The following GCSAML variants were observed in gnomAD, a reference collection of about 807,000 sequenced individuals.
The protein encoded by GCSAML is germinal center associated signaling and motility like.
GCSAML carries 9 observed loss-of-function variants against 13.0 expected under a neutral mutation model. The ratio of observed to expected loss-of-function variants is 0.69; its 90% confidence interval spans 0.42 to 1.21. The LOEUF (loss-of-function observed/expected upper bound fraction) is 1.21. Among genes scored for constraint, GCSAML ranks in the 50% most tolerant of loss-of-function variants. GCSAML has a pLI of 0.00. For synonymous variants in GCSAML, 37 were observed against 52.9 expected (o/e 0.70, Z 1.31); for missense variants, 143 against 153.4 (o/e 0.93, Z 0.36).
At chr1:247,524,208 C>G (rs1269303792) in intron 1 of GCSAML, among the ~76,000 whole-genome samples, 5 of 152,204 alleles carry the variant, frequency 3.3e-5, no homozygotes, top group Non-Finnish European at 7.3e-5. Flanking sequence ...CATCTAGGGT[C>G]TCTAAGACAT....
At chr1:247,521,645 G>A (rs1666435094) in intron 1 of GCSAML, among the ~76,000 whole-genome samples, 1 of 152,222 alleles carries the variant, frequency 6.6e-6, no homozygotes. Context: ...GCCTCCTGAG[G>A]TGCTGGGATT....
At chr1:247,551,175 A>G (rs1013895771) in intron 1 of GCSAML, among the ~76,000 whole-genome samples, 2 of 152,180 alleles carry the variant, frequency 1.3e-5, no homozygotes, top group African/African-American at 4.8e-5. Context: ...TAGAAATAAA[A>G]GGAAGGAAGG....
chr1:247,521,634 G>A (rs1264963745), intron 1 of GCSAML, among the ~76,000 whole-genome samples: 7 of 152,162 alleles, frequency 4.6e-5, no homozygotes, highest in Non-Finnish European at 1.0e-4. Context: ...TGCCAGCCTC[G>A]GCCTCCTGAG....
Position 247,574,610 on chromosome 1 carries a change from C to A in GCSAML, c.*228C>A. On this transcript the variant is annotated 3_prime_UTR_variant, in exon 5 of 5. Coordinates refer to ENST00000366488, the MANE Select transcript of GCSAML (RefSeq NM_145278.5). ...ACCTAAAATATTCTATGTGTTTTTG[C>A]TTGTAAAGTTTGAGGACATGGAGGT... is the stretch of plus-strand genomic sequence containing the variant. 1.9e-6 allele frequency: 1 copy of A among 518,520 alleles called. No individual in the cohort carries two copies. Among genetic ancestry groups the A allele is most frequent in the East Asian group, 3.1e-5 (1 of 31,856 alleles). 32.1% of individuals were successfully genotyped at this position (518,520 alleles called of 1,614,324 possible).
intron 1 of GCSAML, among the ~76,000 whole-genome samples, chr1:247,522,146 G>A (rs1666458790): frequency 2.0e-5 from 3 of 152,000 alleles, no homozygotes; most frequent in Admixed American, 2.0e-4. Context: ...CCGCCTGGCA[G>A]CCGCCCCATC....
chr1:247,536,134 A>G (rs568133864), intron 2 of GCSAML: 1 of 152,318 alleles, frequency 6.6e-6, no homozygotes, highest in African/African-American at 2.4e-5. Context: ...AACAACAACA[A>G]CAAACAAACG....
intron 2 of GCSAML, among the ~76,000 whole-genome samples, chr1:247,561,505 A>T (rs1254349813): frequency 6.6e-6 from 1 of 152,118 alleles, no homozygotes; most frequent in Non-Finnish European, 1.5e-5. Flanking sequence ...TGTTCTAGCT[A>T]ACTATATTTT....
intron 1 of GCSAML, 125 bp downstream of exon 1, chr1:247,549,345 A>T: frequency 1.3e-6 from 1 of 756,410 alleles, no homozygotes; most frequent in South Asian, 1.8e-5. Context: ...TGAAGACAGC[A>T]TCCTCTAGGA....
intron 3 of GCSAML, among the ~76,000 whole-genome samples, chr1:247,565,375 G>A (rs1246972837): frequency 1.3e-5 from 2 of 151,418 alleles, no homozygotes; most frequent in African/African-American, 4.8e-5. Context: ...AAAAAAAATT[G>A]GTAGTCAATT....
chr1:247,545,496 CATT>C (rs1667538722), upstream of GCSAML, among the ~76,000 whole-genome samples: 1 of 152,160 alleles, frequency 6.6e-6, no homozygotes, highest in African/African-American at 2.4e-5. Context: ...TGAAAACTAT[CATT>C]ATGATGATTA....
In GCSAML at chr1:247,574,501, A is replaced by G; in HGVS notation, c.*119A>G. The stretch of plus-strand genomic sequence containing the variant: ...ATTCCTTTCTGGCTAAAGTTTAGAA[A>G]TATTATCTTATTATATATCCTTAGG... On this transcript the variant is annotated 3_prime_UTR_variant, in exon 5 of 5. Coordinates refer to ENST00000366488, the MANE Select transcript of GCSAML (RefSeq NM_145278.5). 3 of 1,124,120 alleles carry G rather than the reference A, an allele frequency of 2.7e-6. No homozygotes were observed. The highest frequency in any genetic ancestry group is 2.5e-6 in the Non-Finnish European group (2 of 791,676). The allele number at this position is 1,124,120 out of a possible 1,614,324, so 69.6% of individuals were successfully genotyped here.
intron 2 of GCSAML, among the ~76,000 whole-genome samples, chr1:247,534,092 A>T (rs1457748141): frequency 6.6e-6 from 1 of 152,116 alleles, no homozygotes; most frequent in Non-Finnish European, 1.5e-5. Flanking sequence ...TGTGTTATAT[A>T]ATATTGAAAA....
chr1:247,523,982 AAAC>A (rs1485546556), intron 1 of GCSAML, among the ~76,000 whole-genome samples: 3 of 136,000 alleles, frequency 2.2e-5, no homozygotes, highest in Non-Finnish European at 4.7e-5. Flanking sequence ...AACATTTGGA[AAAC>A]AACATCTGTC....
intron 1 of GCSAML, among the ~76,000 whole-genome samples, chr1:247,522,401 C>A (rs562564338): frequency 2.6e-3 from 400 of 152,214 alleles, no homozygotes; most frequent in Middle Eastern, 0.02. Context: ...GGCCGCCACC[C>A]CGTCTGGGAG....
chr1:247,549,963 A>G (rs777326261), intron 1 of GCSAML, among the ~76,000 whole-genome samples: 1 of 152,208 alleles, frequency 6.6e-6, no homozygotes, highest in Admixed American at 6.5e-5. Flanking sequence ...GACTACATTG[A>G]TAGACCCAAG....
chr1:247,527,295 A>G lies in GCSAML; in HGVS notation c.-148+241A>G. On this transcript the variant is annotated intron_variant, in intron 2 of 5. Transcript: ENST00000366489. The surrounding 1 kb of genome is among the most constrained non-coding windows in gnomAD (Gnocchi z 4.6). ...TCTGGGAGGGTCTGCGTTGTCTGCTATCCCCACATAAACTGATGAGGACCT... is the reference window on the plus strand; with the variant it reads ...TCTGGGAGGGTCTGCGTTGTCTGCTGTCCCCACATAAACTGATGAGGACCT... 2 of 306,506 alleles carry G rather than the reference A, an allele frequency of 6.5e-6. No individual in the cohort carries two copies. Among genetic ancestry groups the G allele is most frequent in the Non-Finnish European group, 1.3e-5 (2 of 155,614 alleles). The allele number at this position is 306,506 out of a possible 1,614,324, so 19.0% of individuals were successfully genotyped here. A position where few individuals can be genotyped will look rare whatever the true frequency, so the allele number is the denominator to read the frequency against.
At chr1:247,544,832 C>A (rs1667515298), upstream of GCSAML, among the ~76,000 whole-genome samples, 1 of 152,072 alleles carries the variant, frequency 6.6e-6, no homozygotes, top group Non-Finnish European at 1.5e-5. Flanking sequence ...CCAGCCTGGG[C>A]AACAGAGCAG....
chr1:247,538,715 C>T lies in GCSAML; in HGVS notation c.-147-10330C>T, dbSNP rs115306578. 3.9e-3 allele frequency: 1,788 copies of T among 455,962 alleles called. 26 individuals are homozygous for T. Among genetic ancestry groups the T allele is most frequent in the African/African-American group, 0.033 (1,635 of 50,180 alleles). 28.2% of individuals were successfully genotyped at this position (455,962 alleles called of 1,614,324 possible). ...GAGGACACAGCAAGCAGGCAGATGG[C>T]TGCGAGCTGGAAGGGAAGCGTCATC... is the stretch of plus-strand genomic sequence containing the variant. On this transcript the variant is annotated intron_variant, in intron 2 of 5. Coordinates refer to the GCSAML transcript ENST00000366489.
chr1:247,552,664 T>G (rs1667815158), intron 1 of GCSAML, among the ~76,000 whole-genome samples: 1 of 152,242 alleles, frequency 6.6e-6, no homozygotes, highest in African/African-American at 2.4e-5. Flanking sequence ...ATTTGTGTAT[T>G]ATATAAAAAG....
Sources: allele counts gnomAD v4.1 joint callset (sites outside exome capture counted in the v4.1 genomes callset), GRCh38; gene constraint gnomAD v4.1.1; non-coding constraint Gnocchi (gnomAD v3.1); transcripts MANE v1.5; gene names NCBI Gene and HGNC (gene_info 2026-07-23, HGNC 2026-07-21).